The following KALRN variants were observed in gnomAD, a reference collection of about 807,000 sequenced individuals.
The protein encoded by KALRN is kalirin RhoGEF kinase.
Under a neutral mutation model 353.7 loss-of-function variants are expected in KALRN, and 70 were observed. The observed-to-expected ratio is 0.20, with a 90% CI of 0.16 to 0.24. The LOEUF (loss-of-function observed/expected upper bound fraction) is 0.24. Among genes scored for constraint, KALRN ranks in the 10% least tolerant of loss-of-function variants. The probability of loss-of-function intolerance (pLI) is 1.00; values close to 1 mark genes in which losing one functional copy is unlikely to be tolerated. For synonymous variants in KALRN, 1,391 were observed against 1,434.8 expected (o/e 0.97, Z 0.69); for missense variants, 2,791 against 3,756.7 (o/e 0.74, Z 6.72).
chr3:124,495,955 G>GTGTA lies in KALRN; in HGVS notation c.4833-346_4833-343dup, dbSNP rs1218362477. 4.6e-3 allele frequency among the ~76,000 whole-genome samples: 125 copies of GTGTA among 27,408 alleles called. 5 individuals are homozygous for GTGTA. The highest frequency in any genetic ancestry group is 0.015 in the Middle Eastern group (1 of 66). The allele number at this position is 27,408 out of a possible 152,430, so 18.0% of individuals were successfully genotyped here. A position where few individuals can be genotyped will look rare whatever the true frequency, so the allele number is the denominator to read the frequency against. ...CAGACCCGTTCCCAAGTGTGTGTATGTGTATGTATGTATATATATATATAT... is the reference window on the plus strand; with the variant it reads ...CAGACCCGTTCCCAAGTGTGTGTATGTGTATGTATGTATGTATATATATATATAT... On this transcript the variant is annotated intron_variant, in intron 32 of 59. Transcript: ENST00000682506.
At position 124,614,013 on chromosome 3, in the gene KALRN, G is replaced by C. The variant is rs6796587; in HGVS notation, c.5183-18407G>C. On this transcript the variant is annotated intron_variant, in intron 34 of 59. Transcript: ENST00000682506. Reference sequence around the variant, plus strand: ...AACACCATTTTCAGTGACAATTTGAGATCTATAGAAGAGACTCATGGGTTG... The same window carrying C: ...AACACCATTTTCAGTGACAATTTGACATCTATAGAAGAGACTCATGGGTTG... 5.7e-3 allele frequency among the ~76,000 whole-genome samples: 875 copies of C among 152,282 alleles called. 11 individuals carry two copies. The highest frequency in any genetic ancestry group is 0.02 in the African/African-American group (829 of 41,572).
intron 8 of KALRN, among the ~76,000 whole-genome samples, chr3:124,330,296 C>T (rs1396592389): frequency 6.7e-6 from 1 of 148,986 alleles, no homozygotes; most frequent in East Asian, 2.0e-4. Context: ...ACCCCATACA[C>T]CTGCCTCATC....
intron 3 of KALRN, among the ~76,000 whole-genome samples, chr3:124,241,561 A>G (rs554911825): frequency 6.6e-6 from 1 of 152,380 alleles, no homozygotes; most frequent in Admixed American, 6.5e-5. Context: ...AACAAAAAGT[A>G]AAATTCTTTT....
At chr3:124,331,138 T>C (rs968788687) in intron 8 of KALRN, among the ~76,000 whole-genome samples, 7 of 152,300 alleles carry the variant, frequency 4.6e-5, no homozygotes, top group Middle Eastern at 6.8e-3. Context: ...ACCTGTCTCA[T>C]AGGATAGTGT....
At chr3:124,056,420 C>G (rs2041544302) in intron 1 of KALRN, among the ~76,000 whole-genome samples, 1 of 152,158 alleles carries the variant, frequency 6.6e-6, no homozygotes, top group South Asian at 2.1e-4. Context: ...GTATGCTGCT[C>G]TCAGCTATTA....
At chr3:124,693,186 T>A (rs2061902520) in intron 51 of KALRN, among the ~76,000 whole-genome samples, 1 of 152,340 alleles carries the variant, frequency 6.6e-6, no homozygotes, top group Admixed American at 6.5e-5. Context: ...CATGCAGGCC[T>A]GGGCTATAGG....
chr3:124,289,886 T>C (rs2149129231), intron 5 of KALRN, among the ~76,000 whole-genome samples: 1 of 152,280 alleles, frequency 6.6e-6, no homozygotes, highest in Middle Eastern at 3.4e-3. Flanking sequence ...TTATTGTTGT[T>C]GAAGTTGTGG....
intron 55 of KALRN, 49 bp downstream of exon 55, chr3:124,697,773 T>C (rs374616727): frequency 2.6e-5 from 38 of 1,439,994 alleles, no homozygotes; most frequent in Middle Eastern, 4.0e-4. Context: ...TTTAAAACAT[T>C]TATTTTTAAA....
At chr3:124,163,036 T>A (rs1395305740) in intron 1 of KALRN, 1 of 152,174 alleles carries the variant, frequency 6.6e-6, no homozygotes, top group East Asian at 1.9e-4. Context: ...ACACCTGAAA[T>A]CCCTTTAGCC....
intron 3 of KALRN, among the ~76,000 whole-genome samples, chr3:124,255,027 C>T (rs1242580509): frequency 6.6e-6 from 1 of 152,068 alleles, no homozygotes; most frequent in Non-Finnish European, 1.5e-5. Context: ...CTCACTGCAA[C>T]CTCCGCCTCC....
chr3:124,446,703 G>A, intron 20 of KALRN, 60 bp from the exon 21 acceptor site: 1 of 1,603,922 alleles, frequency 6.2e-7, no homozygotes, highest in Non-Finnish European at 8.5e-7. Context: ...TTGTAGTATG[G>A]CATGTTTTCC....
chr3:124,584,775 G>C (rs781398645), intron 34 of KALRN: 8 of 1,566,260 alleles, frequency 5.1e-6, no homozygotes, highest in Middle Eastern at 1.7e-4. Context: ...CTCTCACCCC[G>C]GGCTGGCGCC....
At chr3:124,638,297 T>C (rs1328277616) in intron 37 of KALRN, among the ~76,000 whole-genome samples, 1 of 151,450 alleles carries the variant, frequency 6.6e-6, no homozygotes, top group Non-Finnish European at 1.5e-5. Flanking sequence ...TTAATACATA[T>C]GAGTTTATTC....
At chr3:124,281,480 A>G (rs187687709) in intron 5 of KALRN, among the ~76,000 whole-genome samples, 1 of 152,308 alleles carries the variant, frequency 6.6e-6, no homozygotes, top group Non-Finnish European at 1.5e-5. Flanking sequence ...CCCTCAGGGC[A>G]TTCTCTTCTG....
In KALRN at chr3:124,542,331, C is replaced by T. The variant is rs892666541; in HGVS notation, c.4936-20512C>T. Among the ~76,000 whole-genome samples, 11 of 152,110 alleles carry T rather than the reference C, an allele frequency of 7.2e-5. 1 individual carries two copies. The highest frequency in any genetic ancestry group is 6.3e-3 in the Middle Eastern group (2 of 316). On this transcript the variant is annotated intron_variant, in intron 33 of 59. Transcript: ENST00000682506. ...CCGTGTGACTTGGAGCAACTTTGAG[C>T]CTCAAATTTCTGTTGAGGGATTTAT...
At chr3:124,493,217 A>G (rs2063357893) in intron 32 of KALRN, among the ~76,000 whole-genome samples, 1 of 152,246 alleles carries the variant, frequency 6.6e-6, no homozygotes, top group Non-Finnish European at 1.5e-5. Context: ...GGGATCATAA[A>G]TTCTATAAGA....
chr3:124,503,047 A>C (rs1027999558), intron 33 of KALRN, among the ~76,000 whole-genome samples: 1 of 152,174 alleles, frequency 6.6e-6, no homozygotes, highest in Non-Finnish European at 1.5e-5. Flanking sequence ...TAAAGGCAGG[A>C]AAAATGGGAT....
At chr3:124,657,368 A>G in intron 39 of KALRN, 80 bp from the exon 40 acceptor site, 1 of 906,158 alleles carries the variant, frequency 1.1e-6, no homozygotes, top group Non-Finnish European at 1.8e-6. Flanking sequence ...GTGGGCTTGC[A>G]GGGGTGCTGT....
At chr3:124,243,605 G>A (rs1389267999) in intron 3 of KALRN, among the ~76,000 whole-genome samples, 1 of 152,134 alleles carries the variant, frequency 6.6e-6, no homozygotes, top group East Asian at 1.9e-4. Context: ...CATTGACTTG[G>A]TGGGAGTGGA....
Sources: allele counts gnomAD v4.1 joint callset (sites outside exome capture counted in the v4.1 genomes callset), GRCh38; gene constraint gnomAD v4.1.1; transcripts MANE v1.5; gene names NCBI Gene and HGNC (gene_info 2026-07-23, HGNC 2026-07-21).